The following SCN1A variants were observed in gnomAD, a reference collection of about 807,000 sequenced individuals.
The protein encoded by SCN1A is sodium channel protein type 1 subunit alpha.
In SCN1A, 13 loss-of-function variants were observed where a neutral mutation model predicts 193.7. That is an observed-to-expected ratio of 0.07 (90% CI 0.04 to 0.11). SCN1A has a LOEUF of 0.11. Ranked by LOEUF, SCN1A falls within the 10% of genes least tolerant of loss-of-function variation. SCN1A has a pLI of 1.00. For synonymous variants in SCN1A, 781 were observed against 843.6 expected (o/e 0.93, Z 1.29); for missense variants, 1,432 against 2,451.1 (o/e 0.58, Z 8.78).
At position 166,034,479 on chromosome 2, in the gene SCN1A, G is replaced by A. The variant is rs114289596; in HGVS notation, c.3429+1569C>T. On this transcript the variant is annotated intron_variant, in intron 19 of 28. Coordinates refer to ENST00000674923, the MANE Select transcript of SCN1A (RefSeq NM_001165963.4). ...GTATCTCTAATAAAATGTCTTTAAT[G>A]TATTCAATCCTTTAAAATATTTAGA... 8.9e-3 allele frequency among the ~76,000 whole-genome samples: 1,353 copies of A among 152,284 alleles called. 25 individuals carry two copies. Among genetic ancestry groups the A allele is most frequent in the African/African-American group, 0.026 (1,070 of 41,548 alleles).
chr2:166,052,253 TAAGGA>T (rs1698657273), intron 8 of SCN1A, among the ~76,000 whole-genome samples: 2 of 152,004 alleles, frequency 1.3e-5, no homozygotes, highest in African/African-American at 4.8e-5. Context: ...GAGCCTATAT[TAAGGA>T]AAGGGCCTTG....
At chr2:166,008,852 TA>T (rs35881950) in intron 23 of SCN1A, among the ~76,000 whole-genome samples, 3 of 150,284 alleles carry the variant, frequency 2.0e-5, no homozygotes, top group African/African-American at 7.3e-5. Flanking sequence ...TATTTTTTTT[TA>T]AAAAAAAGCA....
chr2:166,014,774 A>AG (rs1483777492), intron 20 of SCN1A, among the ~76,000 whole-genome samples: 2 of 151,570 alleles, frequency 1.3e-5, no homozygotes, highest in African/African-American at 4.8e-5. Flanking sequence ...GGAAAAGAAG[A>AG]GAAAAAAGAT....
At chr2:166,021,200 T>C (rs1186113910) in intron 19 of SCN1A, among the ~76,000 whole-genome samples, 1 of 152,180 alleles carries the variant, frequency 6.6e-6, no homozygotes, top group African/African-American at 2.4e-5. Context: ...CAAATCATAA[T>C]AACATCAGAA....
intron 19 of SCN1A, among the ~76,000 whole-genome samples, chr2:166,032,760 A>G (rs1695806069): frequency 6.6e-6 from 1 of 152,162 alleles, no homozygotes; most frequent in Admixed American, 6.5e-5. Flanking sequence ...TTCAACAGCA[A>G]TTCATGTGGA....
intron 2 of SCN1A, among the ~76,000 whole-genome samples, chr2:166,101,359 T>G (rs1370065485): frequency 3.1e-5 from 2 of 63,660 alleles, no homozygotes; most frequent in African/African-American, 6.5e-5. Context: ...GGGACTGTGG[T>G]GGGGTGGGGG....
At chr2:165,995,426 G>A (rs1432799751) in intron 27 of SCN1A, among the ~76,000 whole-genome samples, 1 of 151,740 alleles carries the variant, frequency 6.6e-6, no homozygotes, top group Admixed American at 6.6e-5. Context: ...GGAAGCATGA[G>A]TATTGTTATT....
intron 2 of SCN1A, among the ~76,000 whole-genome samples, chr2:166,088,640 T>C (rs1686414076): frequency 1.3e-5 from 2 of 152,190 alleles, no homozygotes; most frequent in Admixed American, 6.6e-5. Context: ...ATATTTTCTT[T>C]TGTTTAAATT....
intron 19 of SCN1A, among the ~76,000 whole-genome samples, chr2:166,029,800 T>G (rs1018444675): frequency 2.6e-5 from 4 of 152,118 alleles, no homozygotes; most frequent in Admixed American, 2.6e-4. Flanking sequence ...TTCCTAATGA[T>G]TTGGAAGACT....
intron 1 of SCN1A, among the ~76,000 whole-genome samples, chr2:166,141,745 T>C (rs1162960378): frequency 1.1e-5 from 1 of 89,474 alleles, no homozygotes; most frequent in Non-Finnish European, 2.7e-5. Context: ...TTTTTTTTTC[T>C]ATTTCAAACA....
At chr2:166,009,478 T>C (rs1266080812) in intron 23 of SCN1A, 1 of 287,372 alleles carries the variant, frequency 3.5e-6, no homozygotes, top group Non-Finnish European at 6.7e-6. Flanking sequence ...ACTCCCAAGA[T>C]GGATTAGGAA....
At chr2:166,105,913 C>T (rs138009349) in intron 2 of SCN1A, among the ~76,000 whole-genome samples, 4 of 152,280 alleles carry the variant, frequency 2.6e-5, no homozygotes, top group Non-Finnish European at 5.9e-5. Context: ...CCGGGCCGGG[C>T]GCGGTGGCTC....
At chr2:166,127,703 C>T (rs1478476755) in intron 1 of SCN1A, 68 bp downstream of exon 1, 1 of 152,144 alleles carries the variant, frequency 6.6e-6, no homozygotes, top group Admixed American at 6.6e-5. Context: ...TTTCCATGGA[C>T]TCTTTTTCCA....
In SCN1A at chr2:166,135,054, A is replaced by T. The variant is rs140264701; in HGVS notation, c.-50+13993T>A. On this transcript the variant is annotated intron_variant, in intron 1 of 26. Transcript: ENST00000635750. ...TCTTTCCTTTGCTCTTAAGTCAGTT[A>T]AACATAATGCTTGGGTTCTTTCCTG... 4.9e-4 allele frequency among the ~76,000 whole-genome samples: 74 copies of T among 152,312 alleles called. No individual in the cohort carries two copies. The East Asian group carries it at 0.013, about 26-fold the overall frequency.
intron 3 of SCN1A, 140 bp from the exon 4 acceptor site, chr2:166,073,810 T>A (rs1684730518): frequency 7.6e-6 from 5 of 655,020 alleles, no homozygotes; most frequent in African/African-American, 1.8e-5. Context: ...AAAGAAAAAA[T>A]TTTAACACAA....
intron 2 of SCN1A, among the ~76,000 whole-genome samples, chr2:166,112,946 C>A (rs369888322): frequency 6.6e-6 from 1 of 152,168 alleles, no homozygotes; most frequent in Admixed American, 6.6e-5. Context: ...TGCTATATGT[C>A]TCTTCCAGGC....
intron 28 of SCN1A, chr2:165,993,866 C>G (rs1024745752): frequency 4.1e-6 from 2 of 488,620 alleles, no homozygotes; most frequent in Admixed American, 7.1e-5. Flanking sequence ...CTCAACATGT[C>G]AAAAACATTT....
At chr2:166,139,223 C>A (rs1233137525) in intron 1 of SCN1A, among the ~76,000 whole-genome samples, 1 of 152,096 alleles carries the variant, frequency 6.6e-6, no homozygotes, top group Non-Finnish European at 1.5e-5. Flanking sequence ...GTTGGGAAGG[C>A]AAGATTGGTT....
chr2:166,094,765 C>T (rs969904015), intron 2 of SCN1A, among the ~76,000 whole-genome samples: 1 of 123,430 alleles, frequency 8.1e-6, no homozygotes, highest in African/African-American at 3.0e-5. Flanking sequence ...ACCTATTAAA[C>T]TTCAACGATG....
Sources: gnomAD v4.1 joint callset for allele counts (sites outside exome capture counted in the v4.1 genomes callset) on GRCh38, gnomAD v4.1.1 for gene constraint, MANE v1.5 for transcripts, NCBI Gene and HGNC (gene_info 2026-07-23, HGNC 2026-07-21) for gene names.